The following FGFR3 variants were observed in gnomAD, a reference collection of about 807,000 sequenced individuals.
The protein encoded by FGFR3 is FGFR-3.
A neutral mutation model predicts 82.9 loss-of-function variants in FGFR3; 25 were observed. The ratio of observed to expected loss-of-function variants is 0.30; its 90% CI spans 0.22 to 0.42. The LOEUF is 0.42. FGFR3 is among the 10% of genes least tolerant of loss of function. FGFR3 has a pLI of 1.00. For missense variants in FGFR3, 1,026 were observed against 1,161.0 expected (o/e 0.88, Z 1.69); for synonymous variants, 620 against 516.0 (o/e 1.20, Z -2.73).
intron 1 of FGFR3, among the ~76,000 whole-genome samples, 177 bp from the exon 2 acceptor site, chr4:1,793,656 A>C (rs1577252742): frequency 8.3e-6 from 1 of 119,920 alleles, no homozygotes; most frequent in Non-Finnish European, 1.7e-5. Context: ...GGGAAGGGGG[A>C]GGAGGGAGGG....
rs376268669 is a variant in FGFR3 at position 1,799,783 on chromosome 4, A to C, written c.416A>C (p.Asp139Ala). ...PSSGDDEDGEDEAEDTGVDTG... is the reference protein window; with the variant it reads ...PSSGDDEDGEAEAEDTGVDTG... ...TCGGGAGATGACGAAGACGGGGAGG[A>C]CGAGGCTGAGGACACAGGTGTGGAC... Residue 139 changes from aspartate to alanine, a missense_variant, in exon 4 of 18, where the codon GAC becomes GCC. Asp to Ala is a moderately radical substitution (Grantham distance 126). This residue lies in a region of FGFR3 where 226 missense variants were observed against 222.0 expected (regional missense o/e 1.02). Transcript: ENST00000440486. 29 of 1,612,844 alleles carry C rather than the reference A, an allele frequency of 1.8e-5. 1 individual carries two copies. In the Admixed American group the frequency reaches 3.3e-4, roughly 19 times the overall value.
chr4:1,806,864 C>T lies in FGFR3; in HGVS notation c.2204C>T (p.Pro735Leu). 2 of 1,611,622 alleles carry T rather than the reference C, an allele frequency of 1.2e-6. No individual in the cohort carries two copies. The highest frequency in any genetic ancestry group is 1.7e-6 in the Non-Finnish European group (2 of 1,179,582). The change falls in exon 17 of 18, where the codon CCC becomes CTC. Residue 735 changes from proline (P) to leucine (L), a missense_variant. Physicochemically the swap from Pro to Leu is moderately conservative, Grantham distance 98 (BLOSUM62 -3). Transcript: ENST00000440486. Reference protein sequence around the residue: ...MIMRECWHAAPSQRPTFKQLV... With the variant: ...MIMRECWHAALSQRPTFKQLV... ...ATGCGGGAGTGCTGGCATGCCGCGC[C>T]CTCCCAGAGGCCCACCTTCAAGCAG...
At chr4:1,806,738 G>T (rs957445680) in intron 16 of FGFR3, 55 bp downstream of exon 16, 1 of 1,600,972 alleles carries the variant, frequency 6.2e-7, no homozygotes, top group South Asian at 1.1e-5. Flanking sequence ...GTCCCTCCGG[G>T]GCTGGGCGGG....
chr4:1,802,672 G>A (rs1721339663), intron 7 of FGFR3, among the ~76,000 whole-genome samples: 1 of 152,204 alleles, frequency 6.6e-6, no homozygotes, highest in African/African-American at 2.4e-5. Context: ...AGAGCCCGGG[G>A]GAGGGCAGGC....
At chr4:1,803,872 T>C (rs1246251785) in intron 8 of FGFR3, 36 bp downstream of exon 8, 20 of 1,603,442 alleles carry the variant, frequency 1.2e-5, no homozygotes, top group Non-Finnish European at 1.5e-5. Flanking sequence ...CTCCGCACTG[T>C]CTGGGGGACG....
chr4:1,800,704 G>C (rs1433455114), intron 4 of FGFR3, among the ~76,000 whole-genome samples: 2 of 152,122 alleles, frequency 1.3e-5, no homozygotes, highest in African/African-American at 4.8e-5. Flanking sequence ...GGGGAGGGCT[G>C]CTTCCCTCCT....
rs893753402 is a variant in FGFR3, at chr4:1,793,338, C to G, written c.-230C>G. 1 of 146,768 alleles carries G rather than the reference C, an allele frequency of 6.8e-6. No individual in the cohort carries two copies. The highest frequency in any genetic ancestry group is 2.5e-5 in the African/African-American group (1 of 40,488). The allele number at this position is 146,768 out of a possible 1,614,324, so 9.1% of individuals were successfully genotyped here. ...TCGCGGGCAGCTGGCGCCGCGCGGT[C>G]CTGCTCTGCCGGTCGCACGGACGCA... On this transcript the variant is annotated 5_prime_UTR_variant, in exon 1 of 18. Transcript: ENST00000440486.
At chr4:1,798,888 T>C (rs1720849681) in intron 2 of FGFR3, among the ~76,000 whole-genome samples, 1 of 152,194 alleles carries the variant, frequency 6.6e-6, no homozygotes, top group Admixed American at 6.5e-5. Context: ...GGATTTTATG[T>C]TTCCAAGCAA....
chr4:1,804,180 C>T, intron 8 of FGFR3, 150 bp from the exon 9 acceptor site: 2 of 900,824 alleles, frequency 2.2e-6, no homozygotes, highest in Non-Finnish European at 1.7e-6. Flanking sequence ...ACTGGCGTTA[C>T]TGACTGCGAG....
chr4:1,801,722 A>T lies in FGFR3; in HGVS notation c.718A>T (p.Thr240Ser), dbSNP rs1422520442. ...VENKFGSIRQ[T>S]YTLDVLERSP... is the part of the protein sequence containing the mutation. ...GAACAAGTTTGGCAGCATCCGGCAG[A>T]CGTACACGCTGGACGTGCTGGGTGA... The change falls in exon 6 of 18, where the codon ACG becomes TCG. Residue 240 changes from threonine to serine, a missense_variant. Coordinates refer to ENST00000440486, the MANE Select transcript of FGFR3 (RefSeq NM_000142.5). The T allele has an allele frequency of 6.2e-7, 1 of 1,608,086 alleles. No individual in the cohort carries two copies. The highest frequency in any genetic ancestry group is 2.2e-5 in the East Asian group (1 of 44,630).
intron 7 of FGFR3, among the ~76,000 whole-genome samples, chr4:1,802,576 G>C (rs1721328150): frequency 6.6e-6 from 1 of 152,236 alleles, no homozygotes; most frequent in African/African-American, 2.4e-5. Context: ...TCTCTTGGGG[G>C]CGGGGAGCAG....
intron 7 of FGFR3, 60 bp downstream of exon 7, chr4:1,802,085 G>A (rs899679952): frequency 3.2e-6 from 5 of 1,551,470 alleles, no homozygotes; most frequent in Non-Finnish European, 4.4e-6. Context: ...CCCCAAGGGT[G>A]CCCCTTGGCT....
intron 8 of FGFR3, 66 bp from the exon 9 acceptor site, chr4:1,804,257 TGGGCCAG>T: frequency 6.6e-7 from 1 of 1,504,014 alleles, no homozygotes; most frequent in African/African-American, 1.4e-5. Flanking sequence ...CCTGCGGCTC[TGGGCCAG>T]GGGCATCCAT....
chr4:1,806,300 ACC>A lies in FGFR3; in HGVS notation c.2004_2005del (p.Asp668GlufsTer8). ...TGGATGGCGCCTGAGGCCTTGTTTGACCGAGTCTACACTCACCAGAGTGACGT... is the reference window on the plus strand; with the variant it reads ...TGGATGGCGCCTGAGGCCTTGTTTGAGAGTCTACACTCACCAGAGTGACGT... On this transcript the variant is annotated frameshift_variant, in exon 15 of 18. Coordinates refer to ENST00000440486, the MANE Select transcript of FGFR3 (RefSeq NM_000142.5). LOFTEE classifies it high-confidence loss of function. 1 of 1,471,452 alleles carries A rather than the reference ACC, an allele frequency of 6.8e-7. No homozygotes were observed. The highest frequency in any genetic ancestry group is 9.1e-7 in the Non-Finnish European group (1 of 1,103,446). 91.1% of individuals were successfully genotyped at this position (1,471,452 alleles called of 1,614,324 possible). A position where few individuals can be genotyped will look rare whatever the true frequency, so the allele number is the denominator to read the frequency against.
At chr4:1,796,160 C>T (rs955508433) in intron 2 of FGFR3, among the ~76,000 whole-genome samples, 1 of 152,136 alleles carries the variant, frequency 6.6e-6, no homozygotes, top group Non-Finnish European at 1.5e-5. Flanking sequence ...AGTGGAGCCA[C>T]CTTTGGTGGG....
At position 1,804,824 on chromosome 4, in the gene FGFR3, G is replaced by A; in HGVS notation, c.1267G>A (p.Val423Met). 1 of 1,549,690 alleles carries A rather than the reference G, an allele frequency of 6.5e-7. No individual in the cohort carries two copies. Among genetic ancestry groups the A allele is most frequent in the South Asian group, 1.2e-5 (1 of 84,030 alleles). Reference protein sequence around the residue: ...KISRFPLKRQVSLESNASMSS... With the variant: ...KISRFPLKRQMSLESNASMSS... The stretch of plus-strand genomic sequence containing the variant: ...AACCTGCCCCTGCTGACCCAAGCAG[G>A]TGTCCCTGGAGTCCAACGCGTCCAT... Residue 423 changes from valine to methionine, a missense_variant and splice_region_variant, in exon 10 of 18, where the codon GTG (valine) becomes ATG (methionine). Val to Met is a conservative substitution (Grantham distance 21). This residue lies in a region of FGFR3 where 256 missense variants were observed against 217.6 expected (regional missense o/e 1.18). Coordinates refer to ENST00000440486, the MANE Select transcript of FGFR3 (RefSeq NM_000142.5).
chr4:1,793,747 G>C (rs910495962), intron 1 of FGFR3, 86 bp from the exon 2 acceptor site: 4 of 157,218 alleles, frequency 2.5e-5, no homozygotes, highest in Non-Finnish European at 4.2e-5. Flanking sequence ...GCGGCTGGGG[G>C]TCGGAGGGGT....
Position 1,793,886 on chromosome 4 carries a change from A to T in FGFR3, c.-49A>T, listed in dbSNP as rs2108751471. 1.3e-6 allele frequency: 1 copy of T among 769,490 alleles called. No individual in the cohort carries two copies. Among genetic ancestry groups the T allele is most frequent in the Non-Finnish European group, 1.7e-6 (1 of 601,600 alleles). The allele number at this position is 769,490 out of a possible 1,614,324, so 47.7% of individuals were successfully genotyped here. On this transcript the variant is annotated 5_prime_UTR_variant, in exon 2 of 18. Coordinates refer to ENST00000440486, the MANE Select transcript of FGFR3 (RefSeq NM_000142.5). ...GTGCCCGCGCCGGGCCGTGGGGGGC[A>T]GCATGCCCGCGCGCGCTGCCTGAGG...
chr4:1,802,031 C>T lies in FGFR3; in HGVS notation c.930+6C>T, dbSNP rs765677787. ...CCTACGTTACCGTGCTCAAGGTGGG[C>T]CACCGTGTGCACGTGGGTGCCGCCG... On this transcript the variant is annotated splice_donor_region_variant and intron_variant, in intron 7 of 17. Transcript: ENST00000440486. 3 of 1,609,866 alleles carry T rather than the reference C, an allele frequency of 1.9e-6. No homozygotes were observed. Among genetic ancestry groups the T allele is most frequent in the South Asian group, 2.2e-5 (2 of 90,722 alleles).
Sources: gnomAD v4.1 joint callset for allele counts (sites outside exome capture counted in the v4.1 genomes callset) on GRCh38, gnomAD v4.1.1 for gene constraint, gnomAD v4.1.1 regional missense constraint, MANE v1.5 for transcripts, NCBI Gene and HGNC (gene_info 2026-07-23, HGNC 2026-07-21) for gene names.